Variants in MCTP1 observed in about 807,000 individuals in gnomAD.
MCTP1 encodes multiple C2 and transmembrane domain-containing protein 1.
A neutral mutation model predicts 120.6 loss-of-function variants in MCTP1; 69 were observed. The ratio of observed to expected loss-of-function variants is 0.57; its 90% confidence interval spans 0.47 to 0.70. The LOEUF (loss-of-function observed/expected upper bound fraction) is 0.70. Among genes scored for constraint, MCTP1 ranks in the 30% least tolerant of loss-of-function variants. MCTP1 has a pLI of 0.00. For missense variants in MCTP1, 1,203 were observed against 1,248.8 expected (o/e 0.96, Z 0.55); for synonymous variants, 529 against 493.1 (o/e 1.07, Z -0.96).
intron 1 of MCTP1, among the ~76,000 whole-genome samples, chr5:95,274,466 C>T (rs1040593022): frequency 2.0e-5 from 3 of 152,114 alleles, no homozygotes; most frequent in African/African-American, 7.2e-5. Flanking sequence ...AACCCATGTA[C>T]TTAGGAACCT....
chr5:95,015,757 CAT>C (rs1836979817), intron 2 of MCTP1, among the ~76,000 whole-genome samples: 1 of 151,898 alleles, frequency 6.6e-6, no homozygotes, highest in African/African-American at 2.4e-5. Flanking sequence ...GTAGATATGC[CAT>C]AGTTTATTCA....
chr5:95,101,317 C>CT (rs958364149), intron 1 of MCTP1, among the ~76,000 whole-genome samples: 5 of 152,128 alleles, frequency 3.3e-5, no homozygotes, highest in Non-Finnish European at 4.4e-5. Context: ...ACAAAACCAT[C>CT]TTTTTTTCAA....
intron 17 of MCTP1, among the ~76,000 whole-genome samples, chr5:94,804,019 C>T (rs1414075129): frequency 6.6e-6 from 1 of 152,170 alleles, no homozygotes; most frequent in Middle Eastern, 3.2e-3. Flanking sequence ...GCAAAGCCAC[C>T]TGACAGACCA....
chr5:95,051,531 A>C (rs1745899100), intron 1 of MCTP1, among the ~76,000 whole-genome samples: 1 of 152,160 alleles, frequency 6.6e-6, no homozygotes, highest in Non-Finnish European at 1.5e-5. Flanking sequence ...AGGTTATAGG[A>C]AGTTTGACCT....
At chr5:94,846,315 G>A (rs555612121) in intron 17 of MCTP1, among the ~76,000 whole-genome samples, 10 of 152,190 alleles carry the variant, frequency 6.6e-5, no homozygotes, top group Non-Finnish European at 1.0e-4. Context: ...GGAATACTAC[G>A]CATCCATACA....
chr5:94,708,460 C>A, intron 22 of MCTP1, 52 bp downstream of exon 22: 1 of 1,117,324 alleles, frequency 8.9e-7, no homozygotes, highest in Non-Finnish European at 1.3e-6. Flanking sequence ...GCTAAAACCC[C>A]ATGCCACACT....
chr5:94,894,498 T>C (rs957281196), intron 11 of MCTP1, 151 bp downstream of exon 11: 1 of 504,678 alleles, frequency 2.0e-6, no homozygotes, highest in Non-Finnish European at 3.5e-6. Flanking sequence ...TCGGCAAAGG[T>C]CTGTGTGGCA....
intron 1 of MCTP1, among the ~76,000 whole-genome samples, chr5:95,177,489 C>G (rs71630703): frequency 0.22 from 32,827 of 152,000 alleles, 3,609 homozygotes; most frequent in Non-Finnish European, 0.23. Flanking sequence ...AAGAGAATCA[C>G]GGTTATCTGG....
At chr5:95,137,223 G>A (rs1759514854) in intron 1 of MCTP1, among the ~76,000 whole-genome samples, 1 of 152,162 alleles carries the variant, frequency 6.6e-6, no homozygotes, top group African/African-American at 2.4e-5. Flanking sequence ...TTGCTTCGGG[G>A]GAAGTATAAC....
At chr5:95,152,113 A>T (rs750039912) in intron 1 of MCTP1, among the ~76,000 whole-genome samples, 7 of 152,224 alleles carry the variant, frequency 4.6e-5, no homozygotes, top group Non-Finnish European at 8.8e-5. Context: ...AATACAGTCA[A>T]AATAGTAACT....
intron 2 of MCTP1, among the ~76,000 whole-genome samples, chr5:94,973,140 C>T (rs1827276812): frequency 6.6e-6 from 1 of 152,150 alleles, no homozygotes; most frequent in Non-Finnish European, 1.5e-5. Flanking sequence ...GATGAGTAAA[C>T]TGGTTCAGAA....
chr5:95,033,381 A>G (rs1840646185), intron 1 of MCTP1, among the ~76,000 whole-genome samples: 1 of 151,972 alleles, frequency 6.6e-6, no homozygotes, highest in Admixed American at 6.6e-5. Context: ...ATTCATCACA[A>G]TCCATTTGGG....
chr5:95,113,873 G>C (rs1757629153), intron 1 of MCTP1, among the ~76,000 whole-genome samples: 1 of 152,166 alleles, frequency 6.6e-6, no homozygotes, highest in South Asian at 2.1e-4. Context: ...GACTCCGAAA[G>C]AGACTTCCTC....
rs32908 is a variant in MCTP1 at position 94,932,081 on chromosome 5, C to G, written c.1174-90G>C. On this transcript the variant is annotated intron_variant, in intron 5 of 22. Coordinates refer to ENST00000515393, the MANE Select transcript of MCTP1 (RefSeq NM_024717.7). ...TTTTTTAGCGGAAACATTTATTAGC[C>G]CTTGAAACAGCGAACAGTTCCTGCA... is the stretch of plus-strand genomic sequence containing the variant. 3.5e-4 allele frequency: 304 copies of G among 863,746 alleles called. No homozygotes were observed. The East Asian group carries it at 7.3e-3, about 21-fold the overall frequency. 53.5% of individuals were successfully genotyped at this position (863,746 alleles called of 1,614,324 possible). A position where few individuals can be genotyped will look rare whatever the true frequency, so the allele number is the denominator to read the frequency against.
intron 1 of MCTP1, among the ~76,000 whole-genome samples, chr5:95,266,325 T>C (rs1001559723): frequency 6.6e-6 from 1 of 152,246 alleles, no homozygotes; most frequent in Admixed American, 6.5e-5. Context: ...GGGTATTAAC[T>C]GAGGGTTCTG....
intron 17 of MCTP1, among the ~76,000 whole-genome samples, chr5:94,843,367 G>C (rs1020608261): frequency 6.6e-6 from 1 of 152,120 alleles, no homozygotes; most frequent in Non-Finnish European, 1.5e-5. Context: ...GTGTGTATGT[G>C]TATAAACACA....
chr5:95,239,577 G>A (rs981733350), intron 1 of MCTP1, among the ~76,000 whole-genome samples: 6 of 152,100 alleles, frequency 3.9e-5, no homozygotes, highest in Non-Finnish European at 5.9e-5. Flanking sequence ...AAGACTAAAT[G>A]TCTTAATTCA....
intron 17 of MCTP1, chr5:94,868,035 A>G: frequency 4.9e-6 from 1 of 203,422 alleles, no homozygotes; most frequent in Middle Eastern, 1.8e-3. Context: ...TGGCTGTCCT[A>G]TTGGGGTTTG....
intron 17 of MCTP1, among the ~76,000 whole-genome samples, chr5:94,814,565 A>G (rs1239056023): frequency 1.3e-5 from 2 of 152,228 alleles, no homozygotes; most frequent in Non-Finnish European, 2.9e-5. Context: ...TGCTACCACC[A>G]TAAGGTGAGG....
Sources: allele counts gnomAD v4.1 joint callset (sites outside exome capture counted in the v4.1 genomes callset), GRCh38; gene constraint gnomAD v4.1.1; transcripts MANE v1.5; gene names NCBI Gene and HGNC (gene_info 2026-07-23, HGNC 2026-07-21).